ERG: variants seen among roughly 807,000 people sequenced by gnomAD.
ERG encodes ETS transcription factor ERG.
Under a neutral mutation model 55.3 loss-of-function variants are expected in ERG, and 9 were observed. The ratio of observed to expected loss-of-function variants is 0.16; its 90% confidence interval spans 0.10 to 0.28. The LOEUF (loss-of-function observed/expected upper bound fraction) is 0.28. Among genes scored for constraint, ERG ranks in the 10% least tolerant of loss-of-function variants. The probability of loss-of-function intolerance (pLI) is 1.00; values close to 1 mark genes in which losing one functional copy is unlikely to be tolerated. For missense variants in ERG, 434 were observed against 631.6 expected, an observed-to-expected ratio of 0.69 and a Z score of 3.35; for synonymous variants, 223 against 237.3, an observed-to-expected ratio of 0.94 and a Z score of 0.55.
intron 1 of ERG, among the ~76,000 whole-genome samples, chr21:38,472,834 A>G (rs761011153): frequency 6.6e-6 from 1 of 152,168 alleles, no homozygotes; most frequent in Non-Finnish European, 1.5e-5. Flanking sequence ...TCAGACCTGC[A>G]GTCTTGTCGT....
intron 2 of ERG, among the ~76,000 whole-genome samples, chr21:38,560,355 T>G (rs2146834287): frequency 6.6e-6 from 1 of 152,276 alleles, no homozygotes; most frequent in East Asian, 1.9e-4. Flanking sequence ...AACCTCCAGC[T>G]GTTCACACCT....
chr21:38,600,312 A>T (rs9636942), intron 1 of ERG, among the ~76,000 whole-genome samples: 1 of 152,204 alleles, frequency 6.6e-6, no homozygotes, highest in South Asian at 2.1e-4. Context: ...CCTGCAGGCC[A>T]GTAGCTGGGA....
intron 2 of ERG, among the ~76,000 whole-genome samples, chr21:38,550,670 G>C (rs561156070): frequency 6.6e-6 from 1 of 152,308 alleles, no homozygotes; most frequent in South Asian, 2.1e-4. Context: ...TTGTTTATAT[G>C]CCACTCAATG....
intron 1 of ERG, among the ~76,000 whole-genome samples, chr21:38,622,970 C>T (rs2060302278): frequency 1.7e-5 from 2 of 120,968 alleles, no homozygotes; most frequent in East Asian, 2.7e-4. Flanking sequence ...CACACACACA[C>T]GTCACACACA....
intron 1 of ERG, among the ~76,000 whole-genome samples, chr21:38,640,306 CATT>C (rs1243039095): frequency 2.6e-5 from 4 of 152,132 alleles, no homozygotes; most frequent in African/African-American, 9.7e-5. Context: ...ACTTAACCAA[CATT>C]ATGATTTACC....
intron 1 of ERG, among the ~76,000 whole-genome samples, chr21:38,640,585 C>T (rs1345010828): frequency 1.3e-5 from 2 of 152,140 alleles, no homozygotes; most frequent in African/African-American, 4.8e-5. Context: ...AGGGGAAACC[C>T]CTTTCACTTG....
rs751369248 is a variant in ERG at position 38,498,372 on chromosome 21, G to A, written c.9C>T (p.Ser3=). Residue 3 remains serine, a synonymous_variant, in exon 1 of 10, where the codon AGC becomes AGT. Coordinates refer to ENST00000288319, the MANE Select transcript of ERG (RefSeq NM_182918.4). The surrounding 1 kb of genome is among the most constrained non-coding windows in gnomAD (Gnocchi z 4.6). MA[S]TIKEALSVVS... ...GGAACCCTTTCCTTACCTTAATAGT[G>A]CTGGCCATAATGCGATCAAGTTTAT... 3.1e-6 allele frequency: 5 copies of A among 1,601,714 alleles called. No homozygotes were observed. The highest frequency in any genetic ancestry group is 2.6e-6 in the Non-Finnish European group (3 of 1,170,798).
chr21:38,647,020 G>T (rs2060461236), intron 1 of ERG, among the ~76,000 whole-genome samples: 1 of 152,154 alleles, frequency 6.6e-6, no homozygotes, highest in Non-Finnish European at 1.5e-5. Context: ...TAGGCTACTG[G>T]TTTTTGCAAC....
intron 1 of ERG, among the ~76,000 whole-genome samples, chr21:38,497,974 T>G (rs1392298380): frequency 6.6e-6 from 1 of 152,152 alleles, no homozygotes; most frequent in African/African-American, 2.4e-5. Context: ...TGTCTGACAT[T>G]CACAAACGCA....
chr21:38,540,053 C>T (rs1290284539), intron 2 of ERG, among the ~76,000 whole-genome samples: 1 of 151,954 alleles, frequency 6.6e-6, no homozygotes, highest in African/African-American at 2.4e-5. Context: ...CACACCACCA[C>T]GCCTGGCTAA....
rs370353842 is a variant in ERG at position 38,541,153 on chromosome 21, C to T, written c.-41+34509G>A. 3.9e-5 allele frequency among the ~76,000 whole-genome samples: 6 copies of T among 152,270 alleles called. 1 individual carries two copies. In the South Asian group the frequency reaches 1.0e-3, roughly 26 times the overall value. On this transcript the variant is annotated intron_variant, in intron 2 of 8. Transcript: ENST00000398897. ...CTGTGGAATCCATCTGGATGGAAGA[C>T]GCCATCCAATTATAAATCCTTAGGA...
At chr21:38,403,878 C>A (rs1988634690) in intron 3 of ERG, among the ~76,000 whole-genome samples, 169 bp from the exon 4 acceptor site, 1 of 152,272 alleles carries the variant, frequency 6.6e-6, no homozygotes, top group South Asian at 2.1e-4. Context: ...ACAAAAGCTG[C>A]CTCACATCCA....
chr21:38,437,697 C>T (rs1318377782), intron 2 of ERG, among the ~76,000 whole-genome samples: 1 of 152,148 alleles, frequency 6.6e-6, no homozygotes, highest in Non-Finnish European at 1.5e-5. Context: ...CTTGGCCCAT[C>T]CTCGCTTCCT....
intron 2 of ERG, among the ~76,000 whole-genome samples, chr21:38,566,131 T>G (rs1017769949): frequency 6.6e-6 from 1 of 152,178 alleles, no homozygotes; most frequent in African/African-American, 2.4e-5. Context: ...TGATCTGGTA[T>G]CAATGATCAT....
chr21:38,570,558 A>G (rs1425410916), intron 2 of ERG, among the ~76,000 whole-genome samples: 2 of 152,192 alleles, frequency 1.3e-5, no homozygotes, highest in East Asian at 1.9e-4. Context: ...ATAGCTCACA[A>G]TTGTTTAGTA....
At chr21:38,373,087 G>C in the ERG span, among the ~76,000 whole-genome samples, 2 of 152,304 alleles carry the variant, frequency 1.3e-5, no homozygotes, top group South Asian at 4.1e-4. Flanking sequence ...TCAGTGTCAA[G>C]TAAAGGTACA....
chr21:38,556,214 G>A (rs2059857375), intron 2 of ERG, among the ~76,000 whole-genome samples: 1 of 152,098 alleles, frequency 6.6e-6, no homozygotes, highest in Non-Finnish European at 1.5e-5. Context: ...CAGTTACTAT[G>A]ACCTCTTTTG....
At chr21:38,399,076 C>T (rs760749987) in intron 6 of ERG, among the ~76,000 whole-genome samples, 5 of 152,180 alleles carry the variant, frequency 3.3e-5, no homozygotes, top group African/African-American at 4.8e-5. Flanking sequence ...TCGCAATACA[C>T]GTGGTGGATG....
chr21:38,535,933 T>A (rs2836482), intron 2 of ERG, among the ~76,000 whole-genome samples: 94,697 of 151,960 alleles, frequency 0.62, 29,697 homozygotes, highest in Non-Finnish European at 0.66. Context: ...CAATTTTTTT[T>A]AATCAACACT....
Sources: gnomAD v4.1 joint callset for allele counts (sites outside exome capture counted in the v4.1 genomes callset) on GRCh38, gnomAD v4.1.1 for gene constraint, Gnocchi (gnomAD v3.1) non-coding constraint, MANE v1.5 for transcripts, NCBI Gene and HGNC (gene_info 2026-07-23, HGNC 2026-07-21) for gene names.